OXCT1: variants seen among roughly 807,000 people sequenced by gnomAD.
OXCT1 encodes succinyl-CoA:3-ketoacid coenzyme A transferase 1, mitochondrial.
Under a neutral mutation model 69.6 loss-of-function variants are expected in OXCT1, and 27 were observed. The observed-to-expected ratio is 0.39, with a 90% CI of 0.29 to 0.54. The LOEUF is 0.54. OXCT1 is among the 20% of genes least tolerant of loss of function. OXCT1 has a pLI of 0.72. For synonymous variants in OXCT1, 202 were observed against 217.8 expected (o/e 0.93, Z 0.64); for missense variants, 437 against 650.2 (o/e 0.67, Z 3.57).
At chr5:41,829,707 T>G (rs919200874) in intron 7 of OXCT1, among the ~76,000 whole-genome samples, 1 of 152,190 alleles carries the variant, frequency 6.6e-6, no homozygotes, top group South Asian at 2.1e-4. Flanking sequence ...TACAAGTGTA[T>G]GTAAAATAAT....
intron 15 of OXCT1, 73 bp downstream of exon 15, chr5:41,749,454 C>T: frequency 1.1e-6 from 1 of 877,000 alleles, no homozygotes; most frequent in South Asian, 1.4e-5. Context: ...GTGTAATACA[C>T]TCTTAGAAGG....
chr5:41,854,747 C>CA (rs1242779264), intron 3 of OXCT1, among the ~76,000 whole-genome samples: 1 of 151,912 alleles, frequency 6.6e-6, no homozygotes, highest in Non-Finnish European at 1.5e-5. Context: ...GACACCACCA[C>CA]AAACATGAAG....
chr5:41,810,388 G>A (rs1746910573), intron 7 of OXCT1, among the ~76,000 whole-genome samples: 1 of 152,056 alleles, frequency 6.6e-6, no homozygotes, highest in Admixed American at 6.6e-5. Flanking sequence ...AAGCCTCAGG[G>A]CAAAGCAATG....
At chr5:41,856,334 T>A (rs1749427579) in intron 3 of OXCT1, among the ~76,000 whole-genome samples, 1 of 152,158 alleles carries the variant, frequency 6.6e-6, no homozygotes, top group Admixed American at 6.5e-5. Flanking sequence ...CTGGCTTTGG[T>A]GATGGAATAT....
chr5:41,848,729 A>G (rs1749043471), intron 5 of OXCT1, among the ~76,000 whole-genome samples: 1 of 150,186 alleles, frequency 6.7e-6, no homozygotes, highest in African/African-American at 2.5e-5. Flanking sequence ...CTGGCTAGCC[A>G]TATGTACAAA....
chr5:41,736,330 A>C (rs975859290), intron 16 of OXCT1, among the ~76,000 whole-genome samples: 1 of 152,250 alleles, frequency 6.6e-6, no homozygotes, highest in Non-Finnish European at 1.5e-5. Context: ...TATGACCTTC[A>C]AGATACTGCC....
intron 4 of OXCT1, among the ~76,000 whole-genome samples, chr5:41,850,908 C>T (rs1436470543): frequency 6.6e-6 from 1 of 152,200 alleles, no homozygotes; most frequent in Non-Finnish European, 1.5e-5. Flanking sequence ...CCTAAGGAAT[C>T]AACTCTGGCC....
chr5:41,817,113 T>C (rs1747283460), intron 7 of OXCT1, among the ~76,000 whole-genome samples: 1 of 152,132 alleles, frequency 6.6e-6, no homozygotes, highest in South Asian at 2.1e-4. Context: ...AGTATGATGA[T>C]TAAAAGAAGA....
intron 14 of OXCT1, 120 bp downstream of exon 14, chr5:41,761,991 C>T (rs1199280626): frequency 5.2e-6 from 4 of 762,776 alleles, no homozygotes; most frequent in African/African-American, 1.7e-5. Flanking sequence ...AATGTAAATG[C>T]TATCACCTTG....
chr5:41,861,457 T>C lies in OXCT1; in HGVS notation c.188-53A>G, dbSNP rs761640556. The C allele has an allele frequency of 1.3e-5, 13 of 1,012,392 alleles. No homozygotes were observed. The East Asian group carries it at 3.1e-4, about 24-fold the overall frequency. The allele number at this position is 1,012,392 out of a possible 1,614,324, so 62.7% of individuals were successfully genotyped here. A position where few individuals can be genotyped will look rare whatever the true frequency, so the allele number is the denominator to read the frequency against. Reference sequence around the variant, plus strand: ...TTGTAAAGGGGGTAACAATGTTCTTTCAGAGAAGTGTGTGTTATTCTTTTT... The same window carrying C: ...TTGTAAAGGGGGTAACAATGTTCTTCCAGAGAAGTGTGTGTTATTCTTTTT... On this transcript the variant is annotated intron_variant, in intron 2 of 16. Coordinates refer to ENST00000196371, the MANE Select transcript of OXCT1 (RefSeq NM_000436.4).
chr5:41,796,680 T>C (rs4957423), intron 11 of OXCT1, among the ~76,000 whole-genome samples: 2,159 of 152,308 alleles, frequency 0.014, 97 homozygotes, highest in South Asian at 0.079. Context: ...TATTTTTGTA[T>C]CTTTTAAAGT....
At chr5:41,802,984 A>G (rs1441693013) in intron 10 of OXCT1, 85 bp downstream of exon 10, 3 of 972,744 alleles carry the variant, frequency 3.1e-6, no homozygotes, top group Non-Finnish European at 4.9e-6. Context: ...CTATTGAAAT[A>G]AAAAAATTTA....
In OXCT1 at chr5:41,762,278, A is replaced by G; in HGVS notation, c.1249-78T>C. 2 of 1,091,328 alleles carry G rather than the reference A, an allele frequency of 1.8e-6. No homozygotes were observed. Among genetic ancestry groups the G allele is most frequent in the East Asian group, 2.4e-5 (1 of 42,492 alleles). 67.6% of individuals were successfully genotyped at this position (1,091,328 alleles called of 1,614,324 possible). A position where few individuals can be genotyped will look rare whatever the true frequency, so the allele number is the denominator to read the frequency against. ...CAGAACAAAATTAACTTGCAAAAAT[A>G]AGCTACTAGAATCATTAAAAACTCA... On this transcript the variant is annotated intron_variant, in intron 13 of 16. Transcript: ENST00000196371. This position sits in a 1 kb window ranked among gnomAD's most constrained non-coding sequence, Gnocchi z 4.0.
At chr5:41,811,587 T>C (rs1023194188) in intron 7 of OXCT1, among the ~76,000 whole-genome samples, 1 of 151,986 alleles carries the variant, frequency 6.6e-6, no homozygotes, top group African/African-American at 2.4e-5. Context: ...TAAGGAATGA[T>C]AGGACCAGTA....
chr5:41,820,957 T>G (rs1365742333), intron 7 of OXCT1, among the ~76,000 whole-genome samples: 1 of 152,156 alleles, frequency 6.6e-6, no homozygotes, highest in African/African-American at 2.4e-5. Context: ...ATCACTAAAT[T>G]GGGCACTCAC....
At chr5:41,794,816 A>G (rs1017655805) in intron 11 of OXCT1, 67 bp from the exon 12 acceptor site, 1 of 1,527,142 alleles carries the variant, frequency 6.5e-7, no homozygotes. Flanking sequence ...TGGTGAACAG[A>G]GGTCCACATC....
At chr5:41,826,572 A>C (rs1024549057) in intron 7 of OXCT1, among the ~76,000 whole-genome samples, 1 of 152,158 alleles carries the variant, frequency 6.6e-6, no homozygotes, top group East Asian at 1.9e-4. Context: ...ACGAGATTCT[A>C]AAGTCATTTG....
chr5:41,794,232 A>G, intron 12 of OXCT1, 154 bp from the exon 13 acceptor site: 1 of 676,478 alleles, frequency 1.5e-6, no homozygotes. Flanking sequence ...CCATGCTGAC[A>G]GAGAAATAAT....
At chr5:41,753,929 G>A (rs1488907380) in intron 14 of OXCT1, among the ~76,000 whole-genome samples, 1 of 152,040 alleles carries the variant, frequency 6.6e-6, no homozygotes, top group African/African-American at 2.4e-5. Flanking sequence ...CTCACTAGAA[G>A]CAGCACAGCT....
Sources: allele counts gnomAD v4.1 joint callset (sites outside exome capture counted in the v4.1 genomes callset), GRCh38; gene constraint gnomAD v4.1.1; non-coding constraint Gnocchi (gnomAD v3.1); transcripts MANE v1.5; gene names NCBI Gene and HGNC (gene_info 2026-07-23, HGNC 2026-07-21).